Variants in SGCZ observed in about 807,000 individuals in gnomAD.
SGCZ encodes the protein zeta-sarcoglycan.
In SGCZ, 40 loss-of-function variants were observed where a neutral mutation model predicts 41.3. The ratio of observed to expected loss-of-function variants is 0.97; its 90% confidence interval spans 0.75 to 1.26. SGCZ has a LOEUF of 1.26. Ranked by LOEUF, SGCZ falls within the 50% of genes most tolerant of loss-of-function variation. SGCZ has a pLI of 0.00. For synonymous variants in SGCZ, 206 were observed against 137.5 expected (o/e 1.50, Z -3.49); for missense variants, 552 against 369.8 (o/e 1.49, Z -4.04).
chr8:14,496,812 C>G (rs7016332), intron 2 of SGCZ, among the ~76,000 whole-genome samples: 143,967 of 152,266 alleles, frequency 0.95, 68,462 homozygotes, highest in East Asian at 1. Context: ...GTTGTTTTCT[C>G]AGTGTCTGTG....
intron 1 of SGCZ, among the ~76,000 whole-genome samples, chr8:14,579,548 G>A (rs1277027758): frequency 6.6e-6 from 1 of 152,088 alleles, no homozygotes; most frequent in African/African-American, 2.4e-5. Flanking sequence ...AACTGTTGGG[G>A]AAATTTTATA....
intron 2 of SGCZ, among the ~76,000 whole-genome samples, chr8:14,486,156 G>A (rs1320250709): frequency 6.6e-6 from 1 of 152,062 alleles, no homozygotes; most frequent in Non-Finnish European, 1.5e-5. Flanking sequence ...GTTCTGGTTT[G>A]GACAATAAAT....
At chr8:14,300,226 A>G (rs1801141992) in intron 3 of SGCZ, among the ~76,000 whole-genome samples, 1 of 151,896 alleles carries the variant, frequency 6.6e-6, no homozygotes, top group Admixed American at 6.6e-5. Context: ...AAAAAGAACA[A>G]AATTCTACAG....
chr8:14,212,435 C>G (rs186069779), intron 4 of SGCZ, among the ~76,000 whole-genome samples: 1 of 116,238 alleles, frequency 8.6e-6, no homozygotes, highest in East Asian at 2.5e-4. Flanking sequence ...CCTGCCTCTT[C>G]AAAGAGAACA....
chr8:14,713,688 C>T (rs1017522942), intron 1 of SGCZ, among the ~76,000 whole-genome samples: 4 of 134,734 alleles, frequency 3.0e-5, no homozygotes, highest in African/African-American at 5.9e-5. Flanking sequence ...TAACCCCTGC[C>T]GCAAAAGAAA....
At chr8:15,021,707 A>G in intron 1 of SGCZ, among the ~76,000 whole-genome samples, 1 of 152,196 alleles carries the variant, frequency 6.6e-6, no homozygotes, top group East Asian at 1.9e-4. Context: ...AGTGACTTCC[A>G]TTGATTAGGA....
chr8:14,129,007 C>T (rs542892015), intron 5 of SGCZ, among the ~76,000 whole-genome samples: 11 of 151,984 alleles, frequency 7.2e-5, no homozygotes, highest in African/African-American at 1.4e-4. Context: ...TATATGAGTA[C>T]GCTAAAAGCC....
chr8:14,275,184 C>T (rs1800187673), intron 3 of SGCZ, among the ~76,000 whole-genome samples: 2 of 152,126 alleles, frequency 1.3e-5, no homozygotes, highest in African/African-American at 4.8e-5. Flanking sequence ...AAGTAACCAA[C>T]ATCAAACTGC....
At chr8:14,908,022 T>G (rs1295265930) in intron 1 of SGCZ, among the ~76,000 whole-genome samples, 1 of 152,208 alleles carries the variant, frequency 6.6e-6, no homozygotes, top group Non-Finnish European at 1.5e-5. Context: ...ATGCTTTTTC[T>G]TTTCTTTTTG....
At chr8:14,540,682 T>A (rs1467798227) in intron 2 of SGCZ, among the ~76,000 whole-genome samples, 3 of 151,988 alleles carry the variant, frequency 2.0e-5, no homozygotes, top group Non-Finnish European at 4.4e-5. Flanking sequence ...TGATCACATA[T>A]CTTATTACAT....
intron 5 of SGCZ, among the ~76,000 whole-genome samples, chr8:14,149,592 C>CCAA (rs367848633): frequency 6.8e-4 from 103 of 151,370 alleles, no homozygotes; most frequent in African/African-American, 2.4e-3. Flanking sequence ...AAAGTTCATA[C>CCAA]CACCCAAAGC....
At chr8:15,143,274 G>A (rs536376718) in intron 1 of SGCZ, among the ~76,000 whole-genome samples, 2 of 152,160 alleles carry the variant, frequency 1.3e-5, no homozygotes, top group East Asian at 1.9e-4. Context: ...CTTATATATC[G>A]GTTTATCATT....
At chr8:14,112,282 GT>G (rs1458031755) in intron 5 of SGCZ, among the ~76,000 whole-genome samples, 6 of 82,540 alleles carry the variant, frequency 7.3e-5, no homozygotes, top group Non-Finnish European at 7.0e-5. Context: ...TTTTTTTTTT[GT>G]GGGGGGGGGG....
intron 1 of SGCZ, among the ~76,000 whole-genome samples, chr8:15,034,657 A>G (rs1803806158): frequency 6.6e-6 from 1 of 152,192 alleles, no homozygotes. Context: ...ACCAAAACAT[A>G]CTATAACCAA....
At chr8:14,482,151 G>A (rs1801551999) in intron 2 of SGCZ, among the ~76,000 whole-genome samples, 2 of 152,164 alleles carry the variant, frequency 1.3e-5, no homozygotes, top group African/African-American at 4.8e-5. Flanking sequence ...GGGACTGACT[G>A]ACTAACTCAG....
chr8:14,345,295 G>A (rs1802856757), intron 2 of SGCZ, among the ~76,000 whole-genome samples: 2 of 152,086 alleles, frequency 1.3e-5, no homozygotes, highest in African/African-American at 2.4e-5. Flanking sequence ...CTAAGAATGT[G>A]AAACACGTGG....
intron 1 of SGCZ, among the ~76,000 whole-genome samples, chr8:14,682,989 A>T (rs1808497339): frequency 6.6e-6 from 1 of 152,202 alleles, no homozygotes; most frequent in South Asian, 2.1e-4. Context: ...TGGCCATAGA[A>T]GATGACCAGA....
intron 3 of SGCZ, among the ~76,000 whole-genome samples, chr8:14,240,186 G>C (rs1798819421): frequency 6.6e-6 from 1 of 151,634 alleles, no homozygotes; most frequent in South Asian, 2.1e-4. Context: ...AAATTAGCCA[G>C]GCATGGTGGT....
chr8:15,231,537 C>T (rs1228801722), intron 1 of SGCZ, among the ~76,000 whole-genome samples: 1 of 151,402 alleles, frequency 6.6e-6, no homozygotes, highest in East Asian at 1.9e-4. Context: ...ATAGATAAAC[C>T]CATGTTTCTA....
Sources: allele counts gnomAD v4.1 joint callset (sites outside exome capture counted in the v4.1 genomes callset), GRCh38; gene constraint gnomAD v4.1.1; transcripts MANE v1.5; gene names NCBI Gene and HGNC (gene_info 2026-07-23, HGNC 2026-07-21).